Variants in THRB observed in about 807,000 individuals in gnomAD.
THRB encodes the protein nuclear receptor subfamily 1 group A member 2.
Under a neutral mutation model 47.8 loss-of-function variants are expected in THRB, and 12 were observed. The observed-to-expected ratio is 0.25, with a 90% CI of 0.16 to 0.41. The LOEUF is 0.41. Ranked by LOEUF, THRB falls within the 10% of genes least tolerant of loss-of-function variation. The probability of loss-of-function intolerance (pLI) is 1.00; values close to 1 mark genes in which losing one functional copy is unlikely to be tolerated. For synonymous variants in THRB, 218 were observed against 212.2 expected, an observed-to-expected ratio of 1.03 and a Z score of -0.24; for missense variants, 348 against 589.2, an observed-to-expected ratio of 0.59 and a Z score of 4.24.
chr3:24,254,400 A>AT (rs1314950082), intron 3 of THRB, among the ~76,000 whole-genome samples: 2 of 151,752 alleles, frequency 1.3e-5, no homozygotes, highest in East Asian at 3.9e-4. Context: ...AAAAAAAAAA[A>AT]AAGAAAAGAA....
At chr3:24,472,729 T>C (rs913884758) in intron 1 of THRB, among the ~76,000 whole-genome samples, 2 of 152,100 alleles carry the variant, frequency 1.3e-5, no homozygotes, top group Non-Finnish European at 2.9e-5. Flanking sequence ...GACAGTTGAG[T>C]AATAATGGAA....
chr3:24,224,367 AAGCG>A, intron 4 of THRB, among the ~76,000 whole-genome samples: 1 of 152,226 alleles, frequency 6.6e-6, no homozygotes, highest in African/African-American at 2.4e-5. Context: ...CCCTTTGAGG[AAGCG>A]TGTTTATTGA....
At chr3:24,495,033 G>C (rs1698835610), upstream of THRB, 1 of 152,192 alleles carries the variant, frequency 6.6e-6, no homozygotes, top group Non-Finnish European at 1.5e-5. Flanking sequence ...CACTTTTATA[G>C]GCGTAGGAAG....
chr3:24,478,478 A>G (rs969352665), intron 1 of THRB, among the ~76,000 whole-genome samples: 1 of 152,236 alleles, frequency 6.6e-6, no homozygotes, highest in African/African-American at 2.4e-5. Context: ...ACTTTATTGT[A>G]CTGAGCAGAA....
At chr3:24,160,341 G>A (rs920253276) in intron 5 of THRB, among the ~76,000 whole-genome samples, 3 of 152,170 alleles carry the variant, frequency 2.0e-5, no homozygotes, top group Admixed American at 1.3e-4. Context: ...ACCTTGAGAC[G>A]GAGCCCTGTG....
chr3:24,295,928 C>A (rs1576627834), intron 3 of THRB, among the ~76,000 whole-genome samples: 1 of 152,192 alleles, frequency 6.6e-6, no homozygotes, highest in African/African-American at 2.4e-5. Flanking sequence ...GGCTACCAAC[C>A]ATTTAATTTT....
intron 1 of THRB, among the ~76,000 whole-genome samples, chr3:24,489,111 G>A (rs1197298670): frequency 6.6e-6 from 1 of 152,014 alleles, no homozygotes; most frequent in Non-Finnish European, 1.5e-5. Context: ...AAAATTAGCT[G>A]GGTGTGGTGG....
At chr3:24,324,431 G>A (rs1460712764) in intron 2 of THRB, among the ~76,000 whole-genome samples, 1 of 152,058 alleles carries the variant, frequency 6.6e-6, no homozygotes, top group African/African-American at 2.4e-5. Context: ...CACTGACCAA[G>A]GCATTTTTTT....
intron 1 of THRB, among the ~76,000 whole-genome samples, chr3:24,343,497 G>A (rs1190301178): frequency 3.9e-5 from 6 of 151,926 alleles, no homozygotes; most frequent in African/African-American, 1.5e-4. Flanking sequence ...CTTAACTATG[G>A]GCAACATCCA....
At chr3:24,421,534 CT>C (rs1456672332) in intron 1 of THRB, among the ~76,000 whole-genome samples, 1 of 151,782 alleles carries the variant, frequency 6.6e-6, no homozygotes, top group Non-Finnish European at 1.5e-5. Flanking sequence ...CTTTCTTTCC[CT>C]TATACATCTC....
chr3:24,453,847 T>C (rs1241262291), intron 1 of THRB, among the ~76,000 whole-genome samples: 1 of 152,160 alleles, frequency 6.6e-6, no homozygotes, highest in African/African-American at 2.4e-5. Context: ...TCCTGTCTCA[T>C]GGCCTTTGCA....
intron 3 of THRB, among the ~76,000 whole-genome samples, chr3:24,238,263 A>ATG (rs3034410): frequency 4.1e-4 from 14 of 34,160 alleles, no homozygotes; most frequent in Middle Eastern, 0.019. Flanking sequence ...GTGTGTGTGT[A>ATG]TGTGTGTGTG....
chr3:24,493,646 C>CT lies in THRB; in HGVS notation c.-261+1005dup, dbSNP rs1322824253. On this transcript the variant is annotated intron_variant, in intron 1 of 10. Transcript: ENST00000646209. Reference sequence around the variant, plus strand: ...GACAAAGGAGAATGGAGAATCTGAACTTGGCTGTTCATGCAAACTCTTTCC... The same window carrying CT: ...GACAAAGGAGAATGGAGAATCTGAACTTTGGCTGTTCATGCAAACTCTTTCC... Among the ~76,000 whole-genome samples the CT allele has an allele frequency of 3.9e-5, 6 of 152,288 alleles. No homozygotes were observed. In the East Asian group the frequency reaches 1.2e-3, roughly 29 times the overall value.
At chr3:24,417,629 G>A (rs2068871933) in intron 1 of THRB, among the ~76,000 whole-genome samples, 2 of 151,748 alleles carry the variant, frequency 1.3e-5, no homozygotes, top group African/African-American at 4.8e-5. Context: ...ACTGAGCCTT[G>A]GTGAACTTCG....
intron 2 of THRB, among the ~76,000 whole-genome samples, chr3:24,300,305 T>G (rs866805710): frequency 6.6e-6 from 1 of 152,288 alleles, no homozygotes; most frequent in South Asian, 2.1e-4. Flanking sequence ...ACATGGATTC[T>G]TGCATGATCT....
chr3:24,228,423 G>T (rs1233756269), intron 4 of THRB, among the ~76,000 whole-genome samples: 1 of 151,974 alleles, frequency 6.6e-6, no homozygotes, highest in Non-Finnish European at 1.5e-5. Flanking sequence ...TACACTTTCT[G>T]TGGTCACAAA....
At chr3:24,211,086 G>T (rs2045974866) in intron 4 of THRB, among the ~76,000 whole-genome samples, 1 of 151,688 alleles carries the variant, frequency 6.6e-6, no homozygotes, top group African/African-American at 2.4e-5. Flanking sequence ...TGTAGTCCTG[G>T]CTACTTGGGA....
upstream of THRB, chr3:24,495,145 G>A (rs1044600139): frequency 6.6e-6 from 1 of 152,070 alleles, no homozygotes; most frequent in Non-Finnish European, 1.5e-5. Context: ...CGGGCCCGGG[G>A]CGCCTGCTCC....
intron 6 of THRB, among the ~76,000 whole-genome samples, chr3:24,147,324 C>G: frequency 6.6e-6 from 1 of 152,160 alleles, no homozygotes; most frequent in South Asian, 2.1e-4. Context: ...AACAGATGTA[C>G]TAGCTGGCTT....
Sources: allele counts gnomAD v4.1 joint callset (sites outside exome capture counted in the v4.1 genomes callset), GRCh38; gene constraint gnomAD v4.1.1; transcripts MANE v1.5; gene names NCBI Gene and HGNC (gene_info 2026-07-23, HGNC 2026-07-21).